Variants in ITSN1 observed in about 807,000 individuals in gnomAD.
ITSN1 encodes intersectin 1.
In ITSN1, 58 loss-of-function variants were observed where a neutral mutation model predicts 239.8. The observed-to-expected ratio is 0.24, with a 90% CI of 0.20 to 0.30. The LOEUF (loss-of-function observed/expected upper bound fraction) is 0.30. Among genes scored for constraint, ITSN1 ranks in the 10% least tolerant of loss-of-function variants. The pLI is 1.00. For synonymous variants in ITSN1, 780 were observed against 770.8 expected (o/e 1.01, Z -0.20); for missense variants, 1,558 against 2,103.3 (o/e 0.74, Z 5.07).
chr21:33,851,418 A>G (rs1978311116), intron 29 of ITSN1, among the ~76,000 whole-genome samples: 1 of 150,174 alleles, frequency 6.7e-6, no homozygotes, highest in East Asian at 2.0e-4. Context: ...TTTTTTTTTG[A>G]GACAGAGTCT....
At position 33,750,224 on chromosome 21, in the gene ITSN1, C is replaced by G. The variant is rs1465413447; in HGVS notation, c.428C>G (p.Ser143Cys). ...PMGSIPVVGM[S>C]PTLVSSVPTA... ...GGATCCATTCCAGTTGTTGGAATGT[C>G]TCCAACCCTAGTATCTTCTGTTCCC... Residue 143 changes from serine (S) to cysteine (C), a missense_variant, in exon 6 of 40, where the codon TCT (serine) becomes TGT (cysteine). Around this residue, in one of 2 missense-constraint regions of ITSN1, gnomAD observed 982 missense variants for 1,209.9 expected, o/e 0.81. Transcript: ENST00000381318. 5 of 1,613,908 alleles carry G rather than the reference C, an allele frequency of 3.1e-6. No homozygotes were observed. Among genetic ancestry groups the G allele is most frequent in the Non-Finnish European group, 3.4e-6 (4 of 1,179,908 alleles).
chr21:33,807,861 A>G lies in ITSN1; in HGVS notation c.2320-3114A>G, dbSNP rs2072580043. 2.0e-5 allele frequency among the ~76,000 whole-genome samples: 3 copies of G among 152,174 alleles called. No individual in the cohort carries two copies. In the South Asian group the frequency reaches 6.2e-4, roughly 31 times the overall value. On this transcript the variant is annotated intron_variant, in intron 20 of 39. Coordinates refer to ENST00000381318, the MANE Select transcript of ITSN1 (RefSeq NM_003024.3). ...GCAGGGAACTCCTGAACAGAGAAGC[A>G]GATTGTTACCTAGAGTGAAGGTAAA...
intron 1 of ITSN1, among the ~76,000 whole-genome samples, chr21:33,686,184 T>C (rs1455859110): frequency 6.6e-6 from 1 of 152,210 alleles, no homozygotes; most frequent in Non-Finnish European, 1.5e-5. Flanking sequence ...GAAGTAATTA[T>C]ATATTTACAT....
At position 33,837,308 on chromosome 21, in the gene ITSN1, C is replaced by T. The variant is rs980509254; in HGVS notation, c.3661+676C>T. ...TCCCCCACCTTTGCACAGGTGCTTT[C>T]AATAGTTTTAAAATTATTTTTAAAT... On this transcript the variant is annotated intron_variant, in intron 29 of 39. Transcript: ENST00000381318. 5 of 1,142,964 alleles carry T rather than the reference C, an allele frequency of 4.4e-6. No homozygotes were observed. The African/African-American group carries it at 8.0e-5, about 18-fold the overall frequency. 70.8% of individuals were successfully genotyped at this position (1,142,964 alleles called of 1,614,324 possible). A position where few individuals can be genotyped will look rare whatever the true frequency, so the allele number is the denominator to read the frequency against.
At chr21:33,658,900 GTCT>G (rs376942867) in intron 1 of ITSN1, among the ~76,000 whole-genome samples, 86 of 152,258 alleles carry the variant, frequency 5.6e-4, no homozygotes, top group African/African-American at 2.1e-3. Context: ...TGGTGGGAGT[GTCT>G]TCTTATTCAT....
intron 29 of ITSN1, among the ~76,000 whole-genome samples, chr21:33,846,351 C>T (rs750398763): frequency 6.6e-6 from 1 of 152,218 alleles, no homozygotes; most frequent in Non-Finnish European, 1.5e-5. Flanking sequence ...CCTTATCACA[C>T]AGAAAGATGA....
intron 29 of ITSN1, among the ~76,000 whole-genome samples, chr21:33,856,506 C>A (rs1302368663): frequency 6.6e-6 from 1 of 152,188 alleles, no homozygotes; most frequent in Non-Finnish European, 1.5e-5. Flanking sequence ...CTGAGTATGA[C>A]TTTATCTTAA....
chr21:33,865,900 G>A lies in ITSN1; in HGVS notation c.4074+566G>A, dbSNP rs898552321. On this transcript the variant is annotated intron_variant, in intron 32 of 39. Transcript: ENST00000381318. This position sits in a 1 kb window ranked among gnomAD's most constrained non-coding sequence, Gnocchi z 4.4. Reference sequence around the variant, plus strand: ...CAGGGGATGTTTGGGGAGGTAATGCGGATACTGCTGGAAGACCTGCAGCTC... The same window carrying A: ...CAGGGGATGTTTGGGGAGGTAATGCAGATACTGCTGGAAGACCTGCAGCTC... Among the ~76,000 whole-genome samples the A allele has an allele frequency of 4.6e-5, 7 of 152,200 alleles. No homozygotes were observed. The highest frequency in any genetic ancestry group is 2.1e-4 in the South Asian group (1 of 4,830).
rs1401876504 is a variant in ITSN1, at chr21:33,661,206, GGTT to G, written c.-33+18500_-33+18502del. 9.3e-5 allele frequency among the ~76,000 whole-genome samples: 14 copies of G among 149,804 alleles called. 1 individual carries two copies. The highest frequency in any genetic ancestry group is 5.9e-5 in the Non-Finnish European group (4 of 67,774). ...AATCTGAATAATCATAGTTTTTTTT[GGTT>G]GTTGTTTTGCCAAATAAAAATCGAG... On this transcript the variant is annotated intron_variant, in intron 1 of 39. Coordinates refer to ENST00000381318, the MANE Select transcript of ITSN1 (RefSeq NM_003024.3).
chr21:33,653,774 G>A (rs1174715158), intron 1 of ITSN1, among the ~76,000 whole-genome samples: 1 of 151,890 alleles, frequency 6.6e-6, no homozygotes, highest in East Asian at 1.9e-4. Flanking sequence ...CGCCCGTCTC[G>A]GCCTCCCACA....
At chr21:33,817,156 T>G in intron 22 of ITSN1, 2 of 1,207,230 alleles carry the variant, frequency 1.7e-6, no homozygotes. Context: ...CATTTTTTAC[T>G]AAATGCTTTA....
Position 33,773,389 on chromosome 21 carries a change from G to A in ITSN1, c.1305+1066G>A, listed in dbSNP as rs181975945. On this transcript the variant is annotated intron_variant, in intron 12 of 39. Coordinates refer to ENST00000381318, the MANE Select transcript of ITSN1 (RefSeq NM_003024.3). ...TTCTATGGAAGGCTTCGTAAATTTA[G>A]CGCCATACCTGGAAAGGGGCTAAGC... is the stretch of plus-strand genomic sequence containing the variant. Among the ~76,000 whole-genome samples the A allele has an allele frequency of 1.2e-4, 19 of 152,192 alleles. No homozygotes were observed. In the East Asian group the frequency reaches 2.1e-3, roughly 17 times the overall value.
At chr21:33,714,482 G>A (rs1362200493) in intron 1 of ITSN1, among the ~76,000 whole-genome samples, 2 of 152,178 alleles carry the variant, frequency 1.3e-5, no homozygotes, top group Non-Finnish European at 2.9e-5. Context: ...GAGTAGCATG[G>A]TAAATAACAA....
intron 18 of ITSN1, among the ~76,000 whole-genome samples, chr21:33,798,453 TAAATG>T (rs887305935): frequency 2.0e-5 from 3 of 152,064 alleles, no homozygotes; most frequent in Middle Eastern, 3.2e-3. Flanking sequence ...AACAAAAAGA[TAAATG>T]AAAGACCAAT....
Position 33,800,210 on chromosome 21 carries a change from T to C in ITSN1, c.2304+281T>C, listed in dbSNP as rs552654590. ...TGTCTGATAATTTCAGAGTTTAGAT[T>C]ACTACTTATATACTATGAGTATACA... is the stretch of plus-strand genomic sequence containing the variant. On this transcript the variant is annotated intron_variant, in intron 19 of 39. Coordinates refer to ENST00000381318, the MANE Select transcript of ITSN1 (RefSeq NM_003024.3). Among the ~76,000 whole-genome samples the C allele has an allele frequency of 3.3e-5, 5 of 152,180 alleles. No homozygotes were observed. In the East Asian group the frequency reaches 9.6e-4, roughly 29 times the overall value.
chr21:33,700,556 C>T (rs1466604476), intron 1 of ITSN1, among the ~76,000 whole-genome samples: 1 of 152,168 alleles, frequency 6.6e-6, no homozygotes, highest in African/African-American at 2.4e-5. Context: ...AGGGAGAAAG[C>T]AAGCCTAATC....
At chr21:33,672,379 A>G (rs910926220) in intron 1 of ITSN1, among the ~76,000 whole-genome samples, 2 of 152,196 alleles carry the variant, frequency 1.3e-5, no homozygotes, top group African/African-American at 4.8e-5. Flanking sequence ...TCTTTTTAAC[A>G]TGAAAACTGG....
At chr21:33,707,515 C>A (rs935888672) in intron 1 of ITSN1, among the ~76,000 whole-genome samples, 3 of 152,164 alleles carry the variant, frequency 2.0e-5, no homozygotes, top group Non-Finnish European at 2.9e-5. Context: ...CTTCTGTTCC[C>A]CCAAAAGGTT....
intron 26 of ITSN1, 184 bp from the exon 27 acceptor site, chr21:33,829,440 C>T: frequency 1.6e-6 from 1 of 629,164 alleles, no homozygotes; most frequent in East Asian, 2.7e-5. Flanking sequence ...CCCTTGAATG[C>T]CGTGTCTGCC....
Sources: gnomAD v4.1 joint callset for allele counts (sites outside exome capture counted in the v4.1 genomes callset) on GRCh38, gnomAD v4.1.1 for gene constraint, gnomAD v4.1.1 regional missense constraint, Gnocchi (gnomAD v3.1) non-coding constraint, MANE v1.5 for transcripts, NCBI Gene and HGNC (gene_info 2026-07-23, HGNC 2026-07-21) for gene names.